The following CHEK1 variants were observed in gnomAD, a reference collection of about 807,000 sequenced individuals.
The protein encoded by CHEK1 is serine/threonine-protein kinase Chk1.
CHEK1 carries 32 observed loss-of-function variants against 60.2 expected under a neutral mutation model. That is an observed-to-expected ratio of 0.53 (90% CI 0.40 to 0.71). The LOEUF is 0.71. Among genes scored for constraint, CHEK1 ranks in the 30% least tolerant of loss-of-function variants. The probability of loss-of-function intolerance (pLI) is 0.00; values close to 1 mark genes in which losing one functional copy is unlikely to be tolerated. For synonymous variants in CHEK1, 179 were observed against 187.2 expected (o/e 0.96, Z 0.36); for missense variants, 399 against 564.6 (o/e 0.71, Z 2.97).
chr11:125,658,091 CAG>C (rs1334171458), downstream of CHEK1, among the ~76,000 whole-genome samples: 3 of 151,942 alleles, frequency 2.0e-5, no homozygotes, highest in African/African-American at 7.3e-5. Context: ...TCCTTTGAGA[CAG>C]GGCCTCACTT....
chr11:125,677,733 T>C (rs536046807), downstream of CHEK1: 742 of 1,592,878 alleles, frequency 4.7e-4, 13 homozygotes, highest in South Asian at 7.8e-3. Context: ...AATTGGGTTT[T>C]CTTGATGTGT....
rs1371792226 is a variant in CHEK1, at chr11:125,656,601, A to G, written c.*1281A>G. ...TATGGGAGAAATTTTGTTCTTGAGA[A>G]TTATCTGAGTCATTAATATTTTTCA... On this transcript the variant is annotated 3_prime_UTR_variant, in exon 13 of 13. Coordinates refer to ENST00000438015, the MANE Select transcript of CHEK1 (RefSeq NM_001114122.3). The G allele has an allele frequency of 4.7e-6, 1 of 213,500 alleles. No homozygotes were observed. The highest frequency in any genetic ancestry group is 9.5e-6 in the Non-Finnish European group (1 of 105,734). 13.2% of individuals were successfully genotyped at this position (213,500 alleles called of 1,614,324 possible).
At chr11:125,672,641 C>A (rs1942253306) in intron 13 of CHEK1, 1 of 1,614,138 alleles carries the variant, frequency 6.2e-7, no homozygotes, top group South Asian at 1.1e-5. Context: ...TAATTTGCAT[C>A]CTCGTTCCAT....
chr11:125,678,020 T>TACAGTATG, downstream of CHEK1: 2 of 1,614,176 alleles, frequency 1.2e-6, no homozygotes, highest in Non-Finnish European at 1.7e-6. Flanking sequence ...GCTGCTCACC[T>TACAGTATG]ACAGTATGCT....
At chr11:125,634,370 G>A (rs749864005) in intron 6 of CHEK1, among the ~76,000 whole-genome samples, 2 of 151,874 alleles carry the variant, frequency 1.3e-5, no homozygotes, top group Non-Finnish European at 2.9e-5. Flanking sequence ...TGCCCAGGCT[G>A]GAGTGCAGTG....
chr11:125,652,606 T>C (rs757734971), intron 11 of CHEK1, among the ~76,000 whole-genome samples: 8 of 152,086 alleles, frequency 5.3e-5, no homozygotes, highest in Non-Finnish European at 1.0e-4. Flanking sequence ...GGGACACACA[T>C]ACCCACTGGG....
chr11:125,680,581 GCT>G, downstream of CHEK1: 1 of 678,510 alleles, frequency 1.5e-6, no homozygotes, highest in Non-Finnish European at 2.6e-6. Context: ...TGGTTCAGGA[GCT>G]CTCCGAGTTG....
intron 2 of CHEK1, among the ~76,000 whole-genome samples, chr11:125,627,251 G>A (rs1169384081): frequency 6.6e-6 from 1 of 152,174 alleles, no homozygotes; most frequent in South Asian, 2.1e-4. Flanking sequence ...TACCCCATAG[G>A]AGCTTAGGAC....
intron 11 of CHEK1, among the ~76,000 whole-genome samples, chr11:125,651,704 C>G (rs1231998575): frequency 6.6e-6 from 1 of 152,098 alleles, no homozygotes; most frequent in Non-Finnish European, 1.5e-5. Context: ...CTGTTATTTT[C>G]AAGGCTGCTA....
At chr11:125,652,506 G>T (rs1266769114) in intron 11 of CHEK1, among the ~76,000 whole-genome samples, 1 of 151,958 alleles carries the variant, frequency 6.6e-6, no homozygotes, top group Non-Finnish European at 1.5e-5. Context: ...TCTTTCAGTG[G>T]TATTTTGGTA....
chr11:125,677,463 G>A (rs1472729189), downstream of CHEK1, among the ~76,000 whole-genome samples: 1 of 152,198 alleles, frequency 6.6e-6, no homozygotes, highest in East Asian at 1.9e-4. Flanking sequence ...ATGAAGGTTA[G>A]TCTTCAGAAC....
At chr11:125,635,747 G>T (rs1422287379) in intron 7 of CHEK1, 9 of 304,442 alleles carry the variant, frequency 3.0e-5, no homozygotes, top group Non-Finnish European at 5.4e-5. Context: ...TTTGGGGAGT[G>T]TATATTCAGA....
chr11:125,626,866 A>C, intron 2 of CHEK1, 33 bp downstream of exon 2: 2 of 1,605,830 alleles, frequency 1.2e-6, no homozygotes, highest in Middle Eastern at 1.7e-4. Context: ...TCGTTTTCTG[A>C]GTGCATATTC....
chr11:125,625,796 A>G lies in CHEK1; in HGVS notation c.-237A>G. ...CCGTCCTTAAATCTCTTCAGCCAGGATCTCTCCCCGACTGCAAAGCAGCCC... is the reference window on the plus strand; with the variant it reads ...CCGTCCTTAAATCTCTTCAGCCAGGGTCTCTCCCCGACTGCAAAGCAGCCC... On this transcript the variant is annotated 5_prime_UTR_variant, in exon 1 of 13. Coordinates refer to ENST00000438015, the MANE Select transcript of CHEK1 (RefSeq NM_001114122.3). 1 of 700,520 alleles carries G rather than the reference A, an allele frequency of 1.4e-6. No individual in the cohort carries two copies. The allele number at this position is 700,520 out of a possible 1,614,324, so 43.4% of individuals were successfully genotyped here.
downstream of CHEK1, chr11:125,677,764 T>G: frequency 1.2e-6 from 2 of 1,607,954 alleles, no homozygotes; most frequent in Non-Finnish European, 1.7e-6. Context: ...CCACCTGAAG[T>G]CAATGACTGG....
intron 5 of CHEK1, among the ~76,000 whole-genome samples, chr11:125,631,635 T>C (rs1023284681): frequency 1.5e-4 from 23 of 151,550 alleles, no homozygotes; most frequent in African/African-American, 5.6e-4. Context: ...GGTGGGACGA[T>C]TGAGTGATTC....
At chr11:125,668,323 T>G (rs2134094067) in intron 13 of CHEK1, among the ~76,000 whole-genome samples, 1 of 152,366 alleles carries the variant, frequency 6.6e-6, no homozygotes. Flanking sequence ...ACAGACCAGC[T>G]ATTTTGTATA....
chr11:125,642,358 CTG>C (rs1256127557), intron 8 of CHEK1, among the ~76,000 whole-genome samples: 3 of 152,038 alleles, frequency 2.0e-5, no homozygotes, highest in Non-Finnish European at 4.4e-5. Context: ...TGATTTTTAA[CTG>C]TATTTGTATT....
chr11:125,669,610 G>A (rs1175331937), intron 13 of CHEK1, among the ~76,000 whole-genome samples: 2 of 135,894 alleles, frequency 1.5e-5, no homozygotes, highest in African/African-American at 2.8e-5. Context: ...TGCAACCTCC[G>A]CCTCCCGGGT....
Sources: allele counts gnomAD v4.1 joint callset (sites outside exome capture counted in the v4.1 genomes callset), GRCh38; gene constraint gnomAD v4.1.1; transcripts MANE v1.5; gene names NCBI Gene and HGNC (gene_info 2026-07-23, HGNC 2026-07-21).